BOC: variants seen among roughly 807,000 people sequenced by gnomAD.
BOC encodes the protein BOC cell adhesion associated, oncogene regulated.
A neutral mutation model predicts 112.0 loss-of-function variants in BOC; 76 were observed. That is an observed-to-expected ratio of 0.68 (90% confidence interval 0.56 to 0.82). The LOEUF is 0.82. Ranked by LOEUF, BOC falls within the 40% of genes least tolerant of loss-of-function variation. BOC has a pLI of 0.00. For synonymous variants in BOC, 580 were observed against 599.8 expected (o/e 0.97, Z 0.48); for missense variants, 1,309 against 1,511.7 (o/e 0.87, Z 2.22).
In BOC at chr3:113,268,434, A is replaced by C. The variant is rs755501555; in HGVS notation, c.512A>C (p.Glu171Ala). The stretch of plus-strand genomic sequence containing the variant: ...TACAGCGTCAAACAAGAGTGGCTGG[A>C]GGCCTCCAGAGGTGAGTGGGCAGGA... Reference protein sequence around the residue: ...VRYSVKQEWLEASRGNYLIMP... With the variant: ...VRYSVKQEWLAASRGNYLIMP... The change falls in exon 5 of 20, where the codon GAG becomes GCG. Residue 171 changes from glutamate to alanine, a missense_variant. By Grantham distance (107) the Glu-to-Ala change is moderately radical (BLOSUM62 -1). Coordinates refer to ENST00000682979, the MANE Select transcript of BOC (RefSeq NM_001378074.1). The C allele has an allele frequency of 1.1e-5, 18 of 1,612,474 alleles. No individual in the cohort carries two copies. In the East Asian group the frequency reaches 4.0e-4, roughly 36 times the overall value.
In BOC at chr3:113,285,709, G is replaced by A. The variant is rs973372850; in HGVS notation, c.3160+144G>A. ...ATTTATGTGGGAGGGATGGGGCATC[G>A]AGGGTGGCTGGCCACTTTCCTTCAC... On this transcript the variant is annotated intron_variant, in intron 19 of 19. Coordinates refer to ENST00000682979, the MANE Select transcript of BOC (RefSeq NM_001378074.1). 1.3e-5 allele frequency: 11 copies of A among 866,778 alleles called. No homozygotes were observed. In the African/African-American group the frequency reaches 1.4e-4, roughly 11 times the overall value. 53.7% of individuals were successfully genotyped at this position (866,778 alleles called of 1,614,324 possible).
At chr3:113,236,228 ATG>A (rs765387902) in intron 2 of BOC, among the ~76,000 whole-genome samples, 1,895 of 77,528 alleles carry the variant, frequency 0.024, 84 homozygotes, top group East Asian at 0.041. Context: ...ATATACGTAT[ATG>A]TGTGTGTGTG....
chr3:113,233,148 G>GGGGGTGT (rs75678874), intron 2 of BOC, among the ~76,000 whole-genome samples: 9 of 124,030 alleles, frequency 7.3e-5, no homozygotes, highest in African/African-American at 1.2e-4. Context: ...AAAGGATTGG[G>GGGGGTGT]GTGTGTGTGT....
Position 113,286,916 on chromosome 3 carries a change from A to AGAAGAAAAAAG in BOC, c.*54_*55insGAAGAAAAAAG. 1 of 1,438,544 alleles carries AGAAGAAAAAAG rather than the reference A, an allele frequency of 7.0e-7. No individual in the cohort carries two copies. The highest frequency in any genetic ancestry group is 1.4e-5 in the South Asian group (1 of 73,286). The allele number at this position is 1,438,544 out of a possible 1,614,324, so 89.1% of individuals were successfully genotyped here. A position where few individuals can be genotyped will look rare whatever the true frequency, so the allele number is the denominator to read the frequency against. On this transcript the variant is annotated 3_prime_UTR_variant, in exon 20 of 20. Coordinates refer to ENST00000682979, the MANE Select transcript of BOC (RefSeq NM_001378074.1). ...ATATTGTTTTTTTTTTAAAAAAAAA[A>AGAAGAAAAAAG]AGAAGAAAAAAGAGACAGAGAAAAT...
intron 4 of BOC, among the ~76,000 whole-genome samples, chr3:113,265,648 A>G (rs1947398723): frequency 6.6e-6 from 1 of 152,252 alleles, no homozygotes; most frequent in African/African-American, 2.4e-5. Context: ...TTCCTTTCCC[A>G]TAGTCCAAAC....
At chr3:113,221,817 A>ACACCTCACTCCTTCCCTCTCAGGGGTCCT (rs1234697476) in intron 2 of BOC, among the ~76,000 whole-genome samples, 6 of 151,998 alleles carry the variant, frequency 3.9e-5, no homozygotes, top group East Asian at 1.9e-4. Context: ...AAATATCCAA[A>ACACCTCACTCCTTCCCTCTCAGGGGTCCT]CACCTCACTC....
At chr3:113,286,602 T>G (rs1949720800) in intron 19 of BOC, 73 bp from the exon 20 acceptor site, 1 of 1,260,172 alleles carries the variant, frequency 7.9e-7, no homozygotes, top group African/African-American at 1.5e-5. Flanking sequence ...AGATAGAGAT[T>G]GGCCCAGTGT....
chr3:113,237,822 T>C (rs1045955507), intron 2 of BOC, among the ~76,000 whole-genome samples: 3 of 152,236 alleles, frequency 2.0e-5, no homozygotes, highest in South Asian at 2.1e-4. Context: ...TTGGTCAGGC[T>C]AACGTTCTTT....
At chr3:113,272,763 C>T (rs1201453705) in intron 7 of BOC, 60 bp downstream of exon 7, 1 of 1,567,142 alleles carries the variant, frequency 6.4e-7, no homozygotes, top group Non-Finnish European at 8.7e-7. Flanking sequence ...TGCAGCCTTT[C>T]TAGAAATGTA....
At chr3:113,213,094 T>C (rs1201072616) in intron 1 of BOC, among the ~76,000 whole-genome samples, 2 of 152,156 alleles carry the variant, frequency 1.3e-5, no homozygotes, top group African/African-American at 4.8e-5. Context: ...TCCAGAGATG[T>C]GGCAGTAGAG....
intron 4 of BOC, among the ~76,000 whole-genome samples, chr3:113,257,447 G>T (rs1476162222): frequency 6.6e-6 from 1 of 152,178 alleles, no homozygotes; most frequent in Non-Finnish European, 1.5e-5. Flanking sequence ...GGCCACAGGT[G>T]TCTCAGAGCA....
At chr3:113,240,824 A>G (rs911987598) in intron 2 of BOC, among the ~76,000 whole-genome samples, 27 of 152,276 alleles carry the variant, frequency 1.8e-4, no homozygotes, top group Non-Finnish European at 5.9e-5. Flanking sequence ...TGGCGGGGGA[A>G]GATGCCCTTA....
chr3:113,268,531 G>A (rs1947765872), intron 5 of BOC, 86 bp downstream of exon 5: 4 of 1,347,250 alleles, frequency 3.0e-6, no homozygotes, highest in African/African-American at 1.5e-5. Context: ...ACAAAGCTAG[G>A]GCAGCTGCTG....
At position 113,280,547 on chromosome 3, in the gene BOC, A is replaced by T; in HGVS notation, c.2206-11A>T. On this transcript the variant is annotated splice_polypyrimidine_tract_variant and intron_variant, in intron 13 of 19. Transcript: ENST00000682979. ...CCCATTGTCAACTTGTTTCTTCTCC[A>T]TTCCCTATAGTACATCCCAGCAAGT... 1 of 1,573,154 alleles carries T rather than the reference A, an allele frequency of 6.4e-7. No individual in the cohort carries two copies. Among genetic ancestry groups the T allele is most frequent in the Non-Finnish European group, 8.8e-7 (1 of 1,142,814 alleles).
At chr3:113,221,882 C>A (rs776910028) in intron 2 of BOC, among the ~76,000 whole-genome samples, 3 of 152,182 alleles carry the variant, frequency 2.0e-5, no homozygotes, top group Non-Finnish European at 1.5e-5. Context: ...TCCCTTCCCC[C>A]CTTGCCTACT....
At chr3:113,255,178 G>A (rs2107468171) in intron 4 of BOC, among the ~76,000 whole-genome samples, 1 of 152,040 alleles carries the variant, frequency 6.6e-6, no homozygotes, top group South Asian at 2.1e-4. Flanking sequence ...CTTGGTTTTT[G>A]AAATGCTTTT....
intron 2 of BOC, among the ~76,000 whole-genome samples, chr3:113,239,713 C>A (rs892288490): frequency 3.9e-5 from 6 of 152,216 alleles, no homozygotes; most frequent in Non-Finnish European, 8.8e-5. Flanking sequence ...GACCAATGTG[C>A]TCTTTGCAGG....
chr3:113,250,808 C>T lies in BOC; in HGVS notation c.351C>T (p.Ser117=), dbSNP rs758598582. ...VARMPAGAVA[S]VPATVTLANL... ...GGATGCCTGCGGGGGCTGTGGCCAGCGTGCCAGCCACTGTGACACTAGCCA... is the reference window on the plus strand; with the variant it reads ...GGATGCCTGCGGGGGCTGTGGCCAGTGTGCCAGCCACTGTGACACTAGCCA... The change falls in exon 4 of 20, where the codon AGC becomes AGT. Residue 117 remains serine, a synonymous_variant. Coordinates refer to ENST00000682979, the MANE Select transcript of BOC (RefSeq NM_001378074.1). 22 of 1,613,290 alleles carry T rather than the reference C, an allele frequency of 1.4e-5. No individual in the cohort carries two copies. Among genetic ancestry groups the T allele is most frequent in the African/African-American group, 8.0e-5 (6 of 74,908 alleles).
At chr3:113,227,557 C>G (rs182528363) in intron 2 of BOC, among the ~76,000 whole-genome samples, 446 of 152,270 alleles carry the variant, frequency 2.9e-3, no homozygotes, top group African/African-American at 9.1e-3. Context: ...TTGGCCCAAC[C>G]TTGCAGAACC....
Sources: gnomAD v4.1 joint callset for allele counts (sites outside exome capture counted in the v4.1 genomes callset) on GRCh38, gnomAD v4.1.1 for gene constraint, MANE v1.5 for transcripts, NCBI Gene and HGNC (gene_info 2026-07-23, HGNC 2026-07-21) for gene names.